The following RBFOX3 variants were observed in gnomAD, a reference collection of about 807,000 sequenced individuals.
RBFOX3 encodes RNA binding protein fox-1 homolog 3.
RBFOX3 carries 17 observed loss-of-function variants against 48.7 expected under a neutral mutation model. That is an observed-to-expected ratio of 0.35 (90% confidence interval 0.24 to 0.52). RBFOX3 has a LOEUF of 0.52. Among genes scored for constraint, RBFOX3 ranks in the 20% least tolerant of loss-of-function variants. The probability of loss-of-function intolerance (pLI) is 0.94; values close to 1 mark genes in which losing one functional copy is unlikely to be tolerated. For missense variants in RBFOX3, 382 were observed against 497.5 expected (o/e 0.77, Z 2.21); for synonymous variants, 212 against 209.5 (o/e 1.01, Z -0.10).
chr17:79,274,765 G>A (rs1007076675), intron 3 of RBFOX3, among the ~76,000 whole-genome samples: 2 of 151,996 alleles, frequency 1.3e-5, no homozygotes, highest in Non-Finnish European at 1.5e-5. Context: ...CCTGCCTGCA[G>A]CTTCAGCGAA....
chr17:79,594,241 C>T (rs1337296865), intron 1 of RBFOX3, among the ~76,000 whole-genome samples: 2 of 152,116 alleles, frequency 1.3e-5, no homozygotes, highest in Non-Finnish European at 2.9e-5. Context: ...CCCTTGGAAA[C>T]TTTCGAGACT....
At chr17:79,518,473 G>C (rs1211409630) in intron 1 of RBFOX3, among the ~76,000 whole-genome samples, 3 of 152,390 alleles carry the variant, frequency 2.0e-5, no homozygotes, top group African/African-American at 7.2e-5. Context: ...AAAGTGCCTT[G>C]TACACGAGTT....
intron 14 of RBFOX3, 150 bp from the exon 15 acceptor site, chr17:79,091,035 C>T (rs2073786797): frequency 1.2e-6 from 1 of 803,552 alleles, no homozygotes; most frequent in Non-Finnish European, 2.0e-6. Flanking sequence ...CCTCATCTTC[C>T]AGGGCTGAGT....
In RBFOX3 at chr17:79,421,929, G is replaced by C. The variant is rs2066469210; in HGVS notation, c.-175+60525C>G. On this transcript the variant is annotated intron_variant, in intron 2 of 14. Coordinates refer to ENST00000693108, the MANE Select transcript of RBFOX3 (RefSeq NM_001350451.2). This position sits in a 1 kb window ranked among gnomAD's most constrained non-coding sequence, Gnocchi z 4.5. ...CCCGGTCCTCAGCAACTGGCCCCAT[G>C]TTCCACAGGCTCAGCAGCTCCCAAC... Among the ~76,000 whole-genome samples the C allele has an allele frequency of 6.6e-6, 1 of 152,172 alleles. No homozygotes were observed. The highest frequency in any genetic ancestry group is 1.5e-5 in the Non-Finnish European group (1 of 68,022).
intron 4 of RBFOX3, among the ~76,000 whole-genome samples, chr17:79,146,836 C>T (rs1369934064): frequency 1.3e-5 from 2 of 152,212 alleles, no homozygotes; most frequent in African/African-American, 2.4e-5. Context: ...GGCTCAACCT[C>T]ACCATGAGGA....
intron 3 of RBFOX3, among the ~76,000 whole-genome samples, chr17:79,275,975 T>C (rs1219734712): frequency 4.6e-5 from 7 of 152,208 alleles, no homozygotes; most frequent in African/African-American, 1.7e-4. Flanking sequence ...ACAACCCGAA[T>C]GTCATCAAGT....
chr17:79,219,573 C>G (rs2059465169), intron 4 of RBFOX3, among the ~76,000 whole-genome samples: 2 of 152,120 alleles, frequency 1.3e-5, no homozygotes, highest in Admixed American at 1.3e-4. Context: ...GGCCCAGACC[C>G]CTACCCTGAT....
intron 4 of RBFOX3, among the ~76,000 whole-genome samples, chr17:79,154,279 T>C (rs2045270714): frequency 6.6e-6 from 1 of 152,144 alleles, no homozygotes; most frequent in African/African-American, 2.4e-5. Flanking sequence ...CCCAGCTCCT[T>C]CTGTTTCAAA....
In RBFOX3 at chr17:79,486,227, G is replaced by A. The variant is rs992575390; in HGVS notation, c.-319-3629C>T. 2.6e-3 allele frequency among the ~76,000 whole-genome samples: 393 copies of A among 152,254 alleles called. 1 individual carries two copies. The highest frequency in any genetic ancestry group is 9.0e-3 in the African/African-American group (374 of 41,548). On this transcript the variant is annotated intron_variant, in intron 1 of 14. Transcript: ENST00000693108. Reference sequence around the variant, plus strand: ...TGGGCTGCAGGTGGCTTCTCAGGGCGCAGTGGCAGGGACCAGGGTGGGCGG... The same window carrying A: ...TGGGCTGCAGGTGGCTTCTCAGGGCACAGTGGCAGGGACCAGGGTGGGCGG...
At chr17:79,591,370 C>G (rs1229934111) in intron 1 of RBFOX3, among the ~76,000 whole-genome samples, 2 of 152,194 alleles carry the variant, frequency 1.3e-5, no homozygotes, top group East Asian at 3.9e-4. Context: ...TTCCTGGGGA[C>G]AGGAGACACA....
chr17:79,195,325 C>T lies in RBFOX3; in HGVS notation c.-34+40441G>A, dbSNP rs982565900. Among the ~76,000 whole-genome samples the T allele has an allele frequency of 1.1e-4, 17 of 152,126 alleles. No homozygotes were observed. Among genetic ancestry groups the T allele is most frequent in the African/African-American group, 4.1e-4 (17 of 41,482 alleles). ...GCTGAGACACGACAATCACTTGAAC[C>T]CAGGAGGCAGAGGTTGCAGTGAGTT... On this transcript the variant is annotated intron_variant, in intron 4 of 14. Transcript: ENST00000693108. This position sits in a 1 kb window ranked among gnomAD's most constrained non-coding sequence, Gnocchi z 5.3.
At chr17:79,164,071 C>T (rs1402869608) in intron 4 of RBFOX3, among the ~76,000 whole-genome samples, 1 of 152,168 alleles carries the variant, frequency 6.6e-6, no homozygotes, top group Non-Finnish European at 1.5e-5. Flanking sequence ...CTCCAGGAAT[C>T]CTTCTGTACC....
intron 4 of RBFOX3, among the ~76,000 whole-genome samples, chr17:79,223,618 G>A (rs1000922720): frequency 6.6e-6 from 1 of 152,186 alleles, no homozygotes; most frequent in Admixed American, 6.5e-5. Context: ...GGCCAGTGGC[G>A]TGAGACATGG....
Position 79,304,271 on chromosome 17 carries a change from C to T in RBFOX3, c.-74+3453G>A, listed in dbSNP as rs1198839852. On this transcript the variant is annotated intron_variant, in intron 3 of 14. Coordinates refer to ENST00000693108, the MANE Select transcript of RBFOX3 (RefSeq NM_001350451.2). Reference sequence around the variant, plus strand: ...TCATGAAGAATGAGGTTAATAGCAACCTATAAATATGTTCCTGAGAATACT... The same window carrying T: ...TCATGAAGAATGAGGTTAATAGCAATCTATAAATATGTTCCTGAGAATACT... 5.3e-5 allele frequency among the ~76,000 whole-genome samples: 8 copies of T among 151,712 alleles called. No homozygotes were observed. The East Asian group carries it at 1.5e-3, about 29-fold the overall frequency.
At chr17:79,402,548 C>A (rs1206879369) in intron 2 of RBFOX3, among the ~76,000 whole-genome samples, 1 of 152,154 alleles carries the variant, frequency 6.6e-6, no homozygotes, top group South Asian at 2.1e-4. Flanking sequence ...GGGGGCCCCG[C>A]GGGGCGGACA....
intron 2 of RBFOX3, among the ~76,000 whole-genome samples, chr17:79,476,236 T>G (rs1324046931): frequency 1.2e-4 from 19 of 152,226 alleles, no homozygotes; most frequent in Admixed American, 1.2e-3. Flanking sequence ...ACACACGGAG[T>G]GACTAATGGG....
At chr17:79,663,896 A>G in the RBFOX3 span, among the ~76,000 whole-genome samples, 5 of 152,188 alleles carry the variant, frequency 3.3e-5, no homozygotes, top group African/African-American at 1.2e-4. Flanking sequence ...TTGAAGCCCA[A>G]TCTTCGTGTT....
chr17:79,557,175 G>A (rs979699878), intron 1 of RBFOX3, among the ~76,000 whole-genome samples: 15 of 145,130 alleles, frequency 1.0e-4, no homozygotes, highest in East Asian at 1.0e-3. Context: ...GCAATGAGCC[G>A]AGGTCGCACC....
chr17:79,507,745 A>T (rs1022504525), intron 1 of RBFOX3, among the ~76,000 whole-genome samples: 3 of 152,104 alleles, frequency 2.0e-5, no homozygotes, highest in Admixed American at 6.5e-5. Context: ...GTTTCCAGAG[A>T]CTTCTCTAAT....
Sources: allele counts gnomAD v4.1 joint callset (sites outside exome capture counted in the v4.1 genomes callset), GRCh38; gene constraint gnomAD v4.1.1; non-coding constraint Gnocchi (gnomAD v3.1); transcripts MANE v1.5; gene names NCBI Gene and HGNC (gene_info 2026-07-23, HGNC 2026-07-21).